PCGF5: variants seen among roughly 807,000 people sequenced by gnomAD.
PCGF5 encodes polycomb group ring finger 5.
In PCGF5, 9 loss-of-function variants were observed where a neutral mutation model predicts 44.3. The ratio of observed to expected loss-of-function variants is 0.20; its 90% CI spans 0.12 to 0.35. The LOEUF is 0.35. Among genes scored for constraint, PCGF5 ranks in the 10% least tolerant of loss-of-function variants. PCGF5 has a pLI of 1.00. For synonymous variants in PCGF5, 95 were observed against 102.5 expected (o/e 0.93, Z 0.44); for missense variants, 146 against 305.3 (o/e 0.48, Z 3.89).
At chr10:91,201,298 T>G (rs989414685) in intron 1 of PCGF5, among the ~76,000 whole-genome samples, 1 of 152,060 alleles carries the variant, frequency 6.6e-6, no homozygotes, top group African/African-American at 2.4e-5. Flanking sequence ...AGGGGCTGAG[T>G]GTGTCAGCTC....
rs966991457 is a variant in PCGF5, at chr10:91,278,468, A to G, written c.*152A>G. 2.9e-6 allele frequency: 2 copies of G among 690,302 alleles called. No individual in the cohort carries two copies. The highest frequency in any genetic ancestry group is 5.1e-6 in the Non-Finnish European group (2 of 391,584). The allele number at this position is 690,302 out of a possible 1,614,324, so 42.8% of individuals were successfully genotyped here. A position where few individuals can be genotyped will look rare whatever the true frequency, so the allele number is the denominator to read the frequency against. The stretch of plus-strand genomic sequence containing the variant: ...TGTCTATCTCTAAATTGTCAGTTGC[A>G]TTCATGTTGTTTCTATTAGGAGCAA... On this transcript the variant is annotated 3_prime_UTR_variant, in exon 10 of 10. Transcript: ENST00000336126.
At chr10:91,249,510 T>A (rs969004162) in intron 5 of PCGF5, among the ~76,000 whole-genome samples, 1 of 151,074 alleles carries the variant, frequency 6.6e-6, no homozygotes, top group Non-Finnish European at 1.5e-5. Context: ...TAGGATGTCC[T>A]AAATATCATT....
At chr10:91,194,021 A>G (rs917648532) in intron 1 of PCGF5, among the ~76,000 whole-genome samples, 1 of 152,202 alleles carries the variant, frequency 6.6e-6, no homozygotes, top group African/African-American at 2.4e-5. Context: ...GTTGTTATCA[A>G]CCAAGATGCA....
chr10:91,229,716 T>C (rs747459734), intron 2 of PCGF5, among the ~76,000 whole-genome samples: 103 of 152,270 alleles, frequency 6.8e-4, no homozygotes, highest in Middle Eastern at 3.4e-3. Context: ...GAATTTATGA[T>C]TCTGAATGAA....
intron 6 of PCGF5, among the ~76,000 whole-genome samples, 159 bp downstream of exon 6, chr10:91,251,599 T>C (rs1845625508): frequency 6.6e-6 from 1 of 152,010 alleles, no homozygotes; most frequent in Non-Finnish European, 1.5e-5. Context: ...TGCTTAGAAA[T>C]GGTTACTATT....
At position 91,192,284 on chromosome 10, in the gene PCGF5, C is replaced by T. The variant is rs533308834; in HGVS notation, c.-184+29203C>T. On this transcript the variant is annotated intron_variant, in intron 1 of 9. Coordinates refer to the PCGF5 transcript ENST00000614189. ...CTATACATTTGAGACAAGATTAACT[C>T]AACAACTCAAGGTGTTTTGCTCGTA... 2.6e-5 allele frequency among the ~76,000 whole-genome samples: 4 copies of T among 152,272 alleles called. No homozygotes were observed. The South Asian group carries it at 8.3e-4, about 32-fold the overall frequency.
chr10:91,227,171 G>A (rs187221581), intron 2 of PCGF5, among the ~76,000 whole-genome samples: 32 of 152,224 alleles, frequency 2.1e-4, no homozygotes, highest in Non-Finnish European at 4.1e-4. Flanking sequence ...AATGTGAAAT[G>A]TATACACTAT....
intron 1 of PCGF5, among the ~76,000 whole-genome samples, chr10:91,213,332 A>T (rs1242612046): frequency 1.3e-5 from 2 of 152,236 alleles, no homozygotes; most frequent in Non-Finnish European, 2.9e-5. Flanking sequence ...GTGTGGATAT[A>T]TCTGTATGTA....
intron 6 of PCGF5, among the ~76,000 whole-genome samples, chr10:91,257,140 G>A (rs7905513): frequency 0.084 from 12,776 of 151,394 alleles, 749 homozygotes; most frequent in African/African-American, 0.16. Context: ...TTGGAAAAAG[G>A]CAAAAGGCTT....
chr10:91,220,605 G>A (rs1240104482), upstream of PCGF5: 1 of 150,630 alleles, frequency 6.6e-6, no homozygotes, highest in African/African-American at 2.4e-5. Context: ...GGTTGGAAGT[G>A]GGTGGAGTTG....
chr10:91,165,729 A>G (rs1843488323), intron 1 of PCGF5, among the ~76,000 whole-genome samples: 3 of 152,250 alleles, frequency 2.0e-5, no homozygotes, highest in African/African-American at 2.4e-5. Context: ...TATATTTTAA[A>G]CATCTTAAAT....
chr10:91,250,690 G>A (rs1360102162), intron 5 of PCGF5, among the ~76,000 whole-genome samples: 2 of 151,424 alleles, frequency 1.3e-5, no homozygotes. Context: ...TTTGTAATAG[G>A]TGAAATACAT....
At chr10:91,210,673 T>G (rs1844435505) in intron 1 of PCGF5, among the ~76,000 whole-genome samples, 1 of 152,234 alleles carries the variant, frequency 6.6e-6, no homozygotes, top group Admixed American at 6.5e-5. Context: ...TTTCAGTGCC[T>G]CTAGTGCTAG....
In PCGF5 at chr10:91,164,981, A is replaced by G. The variant is rs538277507; in HGVS notation, c.-184+1900A>G. On this transcript the variant is annotated intron_variant, in intron 1 of 9. Transcript: ENST00000614189. Reference sequence around the variant, plus strand: ...TCGCTGCTATAACCCTAGCACCTAGAACAGTGCCTGGCATATATGAAACAC... The same window carrying G: ...TCGCTGCTATAACCCTAGCACCTAGGACAGTGCCTGGCATATATGAAACAC... Among the ~76,000 whole-genome samples, 3 of 152,344 alleles carry G rather than the reference A, an allele frequency of 2.0e-5. No individual in the cohort carries two copies. In the South Asian group the frequency reaches 6.2e-4, roughly 32 times the overall value.
At chr10:91,227,141 G>A (rs1038381744) in intron 2 of PCGF5, among the ~76,000 whole-genome samples, 6 of 152,118 alleles carry the variant, frequency 3.9e-5, no homozygotes, top group Non-Finnish European at 8.8e-5. Flanking sequence ...GCCACTGGGG[G>A]TAGAGTGGTA....
At chr10:91,257,421 T>C (rs1051041424) in intron 6 of PCGF5, among the ~76,000 whole-genome samples, 1 of 152,266 alleles carries the variant, frequency 6.6e-6, no homozygotes, top group Middle Eastern at 3.4e-3. Context: ...GACGTGGTAA[T>C]TCCACTTCTA....
At chr10:91,261,272 ATAGAACATTTTAACTGG>A (rs1189871358) in intron 6 of PCGF5, 37 bp from the exon 7 acceptor site, 10 of 1,409,062 alleles carry the variant, frequency 7.1e-6, no homozygotes, top group African/African-American at 1.4e-5. Context: ...CAGAAGCAAG[ATAGAACATTTTAACTGG>A]TAGAACATTT....
intron 8 of PCGF5, among the ~76,000 whole-genome samples, chr10:91,271,030 G>A (rs758246878): frequency 4.6e-5 from 7 of 151,710 alleles, no homozygotes; most frequent in Non-Finnish European, 4.4e-5. Context: ...TAAAACATCT[G>A]ATGGCTGATA....
intron 1 of PCGF5, among the ~76,000 whole-genome samples, chr10:91,214,292 T>A (rs917985962): frequency 2.4e-4 from 35 of 146,806 alleles, no homozygotes; most frequent in African/African-American, 8.8e-4. Flanking sequence ...ACAGACTTTG[T>A]CTTAAAAAAT....
Sources: gnomAD v4.1 joint callset for allele counts (sites outside exome capture counted in the v4.1 genomes callset) on GRCh38, gnomAD v4.1.1 for gene constraint, MANE v1.5 for transcripts, NCBI Gene and HGNC (gene_info 2026-07-23, HGNC 2026-07-21) for gene names.